The following C3orf80 variants were observed in gnomAD, a reference collection of about 807,000 sequenced individuals.
C3orf80 encodes the protein chromosome 3 open reading frame 80.
C3orf80 carries 10 observed loss-of-function variants against 15.8 expected under a neutral mutation model. The observed-to-expected ratio is 0.63, with a 90% CI of 0.39 to 1.07. The LOEUF is 1.07. Among genes scored for constraint, C3orf80 ranks in the 50% least tolerant of loss-of-function variants. The probability of loss-of-function intolerance (pLI) is 0.01; values close to 1 mark genes in which losing one functional copy is unlikely to be tolerated. For missense variants in C3orf80, 364 were observed against 379.3 expected (o/e 0.96, Z 0.34); for synonymous variants, 183 against 192.0 (o/e 0.95, Z 0.39).
At position 160,225,447 on chromosome 3, in the gene C3orf80, C is replaced by T; in HGVS notation, c.-189C>T. Reference sequence around the variant, plus strand: ...AGTAGCAGCCGCCTCCCGCAGCCTCCGCGCGCCGCGGGCTCCTCCTCCCGC... The same window carrying T: ...AGTAGCAGCCGCCTCCCGCAGCCTCTGCGCGCCGCGGGCTCCTCCTCCCGC... On this transcript the variant is annotated 5_prime_UTR_variant, in exon 1 of 1. Coordinates refer to ENST00000326474, the MANE Select transcript of C3orf80 (RefSeq NM_001168214.2). This position sits in a 1 kb window ranked among gnomAD's most constrained non-coding sequence, Gnocchi z 5.6. The T allele has an allele frequency of 8.6e-6, 4 of 463,984 alleles. No homozygotes were observed. Among genetic ancestry groups the T allele is most frequent in the Non-Finnish European group, 1.4e-5 (4 of 292,798 alleles). 28.7% of individuals were successfully genotyped at this position (463,984 alleles called of 1,614,324 possible). A position where few individuals can be genotyped will look rare whatever the true frequency, so the allele number is the denominator to read the frequency against.
Position 160,226,448 on chromosome 3 carries a change from C to A in C3orf80, c.*69C>A. Reference sequence around the variant, plus strand: ...TGGCAAGCAACGGCCGGGGTGCCGCCGCCAACTGCCTCAGACCTTATCTGG... The same window carrying A: ...TGGCAAGCAACGGCCGGGGTGCCGCAGCCAACTGCCTCAGACCTTATCTGG... On this transcript the variant is annotated 3_prime_UTR_variant, in exon 1 of 1. Coordinates refer to ENST00000326474, the MANE Select transcript of C3orf80 (RefSeq NM_001168214.2). This position sits in a 1 kb window ranked among gnomAD's most constrained non-coding sequence, Gnocchi z 5.2. 1 of 1,373,180 alleles carries A rather than the reference C, an allele frequency of 7.3e-7. No homozygotes were observed. Among genetic ancestry groups the A allele is most frequent in the Non-Finnish European group, 9.4e-7 (1 of 1,066,738 alleles). 85.1% of individuals were successfully genotyped at this position (1,373,180 alleles called of 1,614,324 possible). A position where few individuals can be genotyped will look rare whatever the true frequency, so the allele number is the denominator to read the frequency against.
At position 160,226,432 on chromosome 3, in the gene C3orf80, A is replaced by G. The variant is rs1199700613; in HGVS notation, c.*53A>G. On this transcript the variant is annotated 3_prime_UTR_variant, in exon 1 of 1. Coordinates refer to ENST00000326474, the MANE Select transcript of C3orf80 (RefSeq NM_001168214.2). This position sits in a 1 kb window ranked among gnomAD's most constrained non-coding sequence, Gnocchi z 5.2. The stretch of plus-strand genomic sequence containing the variant: ...GGCTGGGGGCTGCGGGTGGCAAGCA[A>G]CGGCCGGGGTGCCGCCGCCAACTGC... The G allele has an allele frequency of 5.8e-6, 8 of 1,378,578 alleles. No homozygotes were observed. Among genetic ancestry groups the G allele is most frequent in the African/African-American group, 1.5e-5 (1 of 65,208 alleles). 85.4% of individuals were successfully genotyped at this position (1,378,578 alleles called of 1,614,324 possible). A position where few individuals can be genotyped will look rare whatever the true frequency, so the allele number is the denominator to read the frequency against.
At position 160,225,929 on chromosome 3, in the gene C3orf80, G is replaced by A. The variant is rs1382755500; in HGVS notation, c.294G>A (p.Leu98=). The A allele has an allele frequency of 6.8e-7, 1 of 1,462,776 alleles. No homozygotes were observed. Among genetic ancestry groups the A allele is most frequent in the South Asian group, 1.3e-5 (1 of 77,310 alleles). 90.6% of individuals were successfully genotyped at this position (1,462,776 alleles called of 1,614,324 possible). A position where few individuals can be genotyped will look rare whatever the true frequency, so the allele number is the denominator to read the frequency against. ...LLVLFAIGYF[L]QRIICPSPRR... is the part of the protein sequence containing the mutation. ...TGCTCTTCGCCATCGGCTATTTCCT[G>A]CAGCGCATCATCTGCCCCAGTCCAC... Residue 98 remains leucine, a synonymous_variant, in exon 1 of 1, where the codon CTG becomes CTA. Coordinates refer to ENST00000326474, the MANE Select transcript of C3orf80 (RefSeq NM_001168214.2). The surrounding 1 kb of genome is among the most constrained non-coding windows in gnomAD (Gnocchi z 5.6).
rs998409610 is a variant in C3orf80 at position 160,225,781 on chromosome 3, G to A, written c.146G>A (p.Arg49Gln). 5 of 1,455,058 alleles carry A rather than the reference G, an allele frequency of 3.4e-6. No homozygotes were observed. Among genetic ancestry groups the A allele is most frequent in the African/African-American group, 1.5e-5 (1 of 67,926 alleles). The allele number at this position is 1,455,058 out of a possible 1,614,324, so 90.1% of individuals were successfully genotyped here. The change falls in exon 1 of 1, where the codon CGG (arginine) becomes CAG (glutamine). Residue 49 changes from arginine (R) to glutamine (Q), a missense_variant. Arg to Gln is a conservative substitution (Grantham distance 43). Coordinates refer to ENST00000326474, the MANE Select transcript of C3orf80 (RefSeq NM_001168214.2). This position sits in a 1 kb window ranked among gnomAD's most constrained non-coding sequence, Gnocchi z 5.6. ...GGCAELACGERERCCDATNAT... is the reference protein window; with the variant it reads ...GGCAELACGEQERCCDATNAT... ...TGCGCTGAGCTGGCGTGCGGCGAGCGGGAGCGCTGCTGCGACGCGACCAAC... is the reference window on the plus strand; with the variant it reads ...TGCGCTGAGCTGGCGTGCGGCGAGCAGGAGCGCTGCTGCGACGCGACCAAC...
In C3orf80 at chr3:160,226,447, C is replaced by G; in HGVS notation, c.*68C>G. ...GTGGCAAGCAACGGCCGGGGTGCCG[C>G]CGCCAACTGCCTCAGACCTTATCTG... On this transcript the variant is annotated 3_prime_UTR_variant, in exon 1 of 1. Coordinates refer to ENST00000326474, the MANE Select transcript of C3orf80 (RefSeq NM_001168214.2). The surrounding 1 kb of genome is among the most constrained non-coding windows in gnomAD (Gnocchi z 5.2). 7.3e-7 allele frequency: 1 copy of G among 1,374,138 alleles called. No individual in the cohort carries two copies. Among genetic ancestry groups the G allele is most frequent in the Non-Finnish European group, 9.4e-7 (1 of 1,067,372 alleles). The allele number at this position is 1,374,138 out of a possible 1,614,324, so 85.1% of individuals were successfully genotyped here.
In C3orf80 at chr3:160,225,593, C is replaced by G; in HGVS notation, c.-43C>G. Reference sequence around the variant, plus strand: ...GACGGACGCGAGGGCGGACGGACTCCCCAGCCTCCCGTCCCGGACGTTAGC... The same window carrying G: ...GACGGACGCGAGGGCGGACGGACTCGCCAGCCTCCCGTCCCGGACGTTAGC... On this transcript the variant is annotated 5_prime_UTR_variant, in exon 1 of 1. Coordinates refer to ENST00000326474, the MANE Select transcript of C3orf80 (RefSeq NM_001168214.2). This position sits in a 1 kb window ranked among gnomAD's most constrained non-coding sequence, Gnocchi z 5.6. The G allele has an allele frequency of 1.6e-6, 2 of 1,281,430 alleles. No individual in the cohort carries two copies. Among genetic ancestry groups the G allele is most frequent in the Non-Finnish European group, 2.0e-6 (2 of 1,019,098 alleles). 79.4% of individuals were successfully genotyped at this position (1,281,430 alleles called of 1,614,324 possible). A position where few individuals can be genotyped will look rare whatever the true frequency, so the allele number is the denominator to read the frequency against.
chr3:160,225,608 C>G lies in C3orf80; in HGVS notation c.-28C>G. ...GGACGGACTCCCCAGCCTCCCGTCC[C>G]GGACGTTAGCCGAGGTCTGCGCGGG... is the stretch of plus-strand genomic sequence containing the variant. On this transcript the variant is annotated 5_prime_UTR_variant, in exon 1 of 1. Transcript: ENST00000326474. This position sits in a 1 kb window ranked among gnomAD's most constrained non-coding sequence, Gnocchi z 5.6. 7 of 1,302,070 alleles carry G rather than the reference C, an allele frequency of 5.4e-6. No individual in the cohort carries two copies. The highest frequency in any genetic ancestry group is 6.8e-6 in the Non-Finnish European group (7 of 1,031,672). The allele number at this position is 1,302,070 out of a possible 1,614,324, so 80.7% of individuals were successfully genotyped here.
In C3orf80 at chr3:160,227,470, A is replaced by C. The variant is rs902754498; in HGVS notation, c.*1091A>C. On this transcript the variant is annotated 3_prime_UTR_variant, in exon 1 of 1. Coordinates refer to ENST00000326474, the MANE Select transcript of C3orf80 (RefSeq NM_001168214.2). Reference sequence around the variant, plus strand: ...TATGCATTATGTAGTATAGCTTTTAATTGTATCATTCATCACAGTTATATG... The same window carrying C: ...TATGCATTATGTAGTATAGCTTTTACTTGTATCATTCATCACAGTTATATG... 3 of 152,202 alleles carry C rather than the reference A, an allele frequency of 2.0e-5. No homozygotes were observed. The highest frequency in any genetic ancestry group is 4.4e-5 in the Non-Finnish European group (3 of 68,026). 9.4% of individuals were successfully genotyped at this position (152,202 alleles called of 1,614,324 possible).
At position 160,225,603 on chromosome 3, in the gene C3orf80, C is replaced by A; in HGVS notation, c.-33C>A. Reference sequence around the variant, plus strand: ...AGGGCGGACGGACTCCCCAGCCTCCCGTCCCGGACGTTAGCCGAGGTCTGC... The same window carrying A: ...AGGGCGGACGGACTCCCCAGCCTCCAGTCCCGGACGTTAGCCGAGGTCTGC... On this transcript the variant is annotated 5_prime_UTR_variant, in exon 1 of 1. Coordinates refer to ENST00000326474, the MANE Select transcript of C3orf80 (RefSeq NM_001168214.2). The surrounding 1 kb of genome is among the most constrained non-coding windows in gnomAD (Gnocchi z 5.6). The A allele has an allele frequency of 7.7e-7, 1 of 1,291,116 alleles. No individual in the cohort carries two copies. Among genetic ancestry groups the A allele is most frequent in the Non-Finnish European group, 9.8e-7 (1 of 1,024,744 alleles). 80.0% of individuals were successfully genotyped at this position (1,291,116 alleles called of 1,614,324 possible).
Position 160,226,058 on chromosome 3 carries a change from G to C in C3orf80, c.423G>C (p.Ser141=), listed in dbSNP as rs1381242396. The change falls in exon 1 of 1, where the codon TCG becomes TCC. Residue 141 remains serine, a synonymous_variant. Transcript: ENST00000326474. The surrounding 1 kb of genome is among the most constrained non-coding windows in gnomAD (Gnocchi z 5.2). The stretch of plus-strand genomic sequence containing the variant: ...GGCCGCCCGACGACGACGACGACTC[G>C]CCCGCTCTGCTGCGCGACGAGGCGG... ...GAGPPDDDDD[S]PALLRDEAAA... 4.9e-6 allele frequency: 7 copies of C among 1,439,672 alleles called. No homozygotes were observed. Among genetic ancestry groups the C allele is most frequent in the South Asian group, 1.4e-5 (1 of 71,550 alleles). The allele number at this position is 1,439,672 out of a possible 1,614,324, so 89.2% of individuals were successfully genotyped here.
chr3:160,228,025 T>G lies in C3orf80; in HGVS notation c.*1646T>G, dbSNP rs1711523766. On this transcript the variant is annotated 3_prime_UTR_variant, in exon 1 of 1. Coordinates refer to ENST00000326474, the MANE Select transcript of C3orf80 (RefSeq NM_001168214.2). ...CTGACTTGTATTGAAGAAAATTATTTAATTAAATTTTTAAAGGCTGGTTGA... is the reference window on the plus strand; with the variant it reads ...CTGACTTGTATTGAAGAAAATTATTGAATTAAATTTTTAAAGGCTGGTTGA... The G allele has an allele frequency of 6.6e-6, 1 of 152,182 alleles. No homozygotes were observed. The highest frequency in any genetic ancestry group is 1.5e-5 in the Non-Finnish European group (1 of 68,012). 9.4% of individuals were successfully genotyped at this position (152,182 alleles called of 1,614,324 possible). A position where few individuals can be genotyped will look rare whatever the true frequency, so the allele number is the denominator to read the frequency against.
chr3:160,227,459 T>C lies in C3orf80; in HGVS notation c.*1080T>C, dbSNP rs1040783636. On this transcript the variant is annotated 3_prime_UTR_variant, in exon 1 of 1. Coordinates refer to ENST00000326474, the MANE Select transcript of C3orf80 (RefSeq NM_001168214.2). Reference sequence around the variant, plus strand: ...AATAATAACTGTATGCATTATGTAGTATAGCTTTTAATTGTATCATTCATC... The same window carrying C: ...AATAATAACTGTATGCATTATGTAGCATAGCTTTTAATTGTATCATTCATC... 2 of 152,252 alleles carry C rather than the reference T, an allele frequency of 1.3e-5. No individual in the cohort carries two copies. Among genetic ancestry groups the C allele is most frequent in the African/African-American group, 4.8e-5 (2 of 41,480 alleles). The allele number at this position is 152,252 out of a possible 1,614,324, so 9.4% of individuals were successfully genotyped here.
Position 160,226,726 on chromosome 3 carries a change from T to C in C3orf80, c.*347T>C, listed in dbSNP as rs1165385298. The C allele has an allele frequency of 8.4e-6, 2 of 238,356 alleles. No homozygotes were observed. The highest frequency in any genetic ancestry group is 1.6e-4 in the East Asian group (2 of 12,466). The allele number at this position is 238,356 out of a possible 1,614,324, so 14.8% of individuals were successfully genotyped here. A position where few individuals can be genotyped will look rare whatever the true frequency, so the allele number is the denominator to read the frequency against. On this transcript the variant is annotated 3_prime_UTR_variant, in exon 1 of 1. Coordinates refer to ENST00000326474, the MANE Select transcript of C3orf80 (RefSeq NM_001168214.2). The surrounding 1 kb of genome is among the most constrained non-coding windows in gnomAD (Gnocchi z 5.2). ...AGTCAAAGAGAACACGTGAGCCCTT[T>C]GGTGCGTCGAGAGAAGGGCGGTCTT...
Position 160,225,815 on chromosome 3 carries a change from G to T in C3orf80, c.180G>T (p.Ala60=), listed in dbSNP as rs1576692594. The T allele has an allele frequency of 1.4e-6, 2 of 1,478,896 alleles. No homozygotes were observed. The highest frequency in any genetic ancestry group is 1.8e-6 in the Non-Finnish European group (2 of 1,119,932). The allele number at this position is 1,478,896 out of a possible 1,614,324, so 91.6% of individuals were successfully genotyped here. ...GCTGCGACGCGACCAACGCCACGGCGGTGCGCTGCTGCAAGCTGCCGCTGC... is the reference window on the plus strand; with the variant it reads ...GCTGCGACGCGACCAACGCCACGGCTGTGCGCTGCTGCAAGCTGCCGCTGC... ...ERCCDATNAT[A]VRCCKLPLHA... Residue 60 remains alanine, a synonymous_variant, in exon 1 of 1, where the codon GCG becomes GCT. Coordinates refer to ENST00000326474, the MANE Select transcript of C3orf80 (RefSeq NM_001168214.2). The surrounding 1 kb of genome is among the most constrained non-coding windows in gnomAD (Gnocchi z 5.6).
At position 160,225,849 on chromosome 3, in the gene C3orf80, C is replaced by T; in HGVS notation, c.214C>T (p.Leu72=). ...CTGCAAGCTGCCGCTGCACGCCTTC[C>T]TGGACAACGTGGGCTGGTTCGTCCG... The part of the protein sequence containing the change: ...RCCKLPLHAF[L]DNVGWFVRKL... Residue 72 remains leucine (L), a synonymous_variant, in exon 1 of 1, where the codon CTG becomes TTG. Coordinates refer to ENST00000326474, the MANE Select transcript of C3orf80 (RefSeq NM_001168214.2). This position sits in a 1 kb window ranked among gnomAD's most constrained non-coding sequence, Gnocchi z 5.6. 60 of 1,486,538 alleles carry T rather than the reference C, an allele frequency of 4.0e-5. No homozygotes were observed. Among genetic ancestry groups the T allele is most frequent in the Non-Finnish European group, 5.3e-5 (59 of 1,123,184 alleles). 92.1% of individuals were successfully genotyped at this position (1,486,538 alleles called of 1,614,324 possible). A position where few individuals can be genotyped will look rare whatever the true frequency, so the allele number is the denominator to read the frequency against.
Position 160,226,490 on chromosome 3 carries a change from C to A in C3orf80, c.*111C>A. ...CTTATCTGGCACCCTGGCCTAACTG[C>A]CCGGCACCCCGCGACTGGGTTGGGG... On this transcript the variant is annotated 3_prime_UTR_variant, in exon 1 of 1. Coordinates refer to ENST00000326474, the MANE Select transcript of C3orf80 (RefSeq NM_001168214.2). The surrounding 1 kb of genome is among the most constrained non-coding windows in gnomAD (Gnocchi z 5.2). 8.6e-7 allele frequency: 1 copy of A among 1,161,794 alleles called. No individual in the cohort carries two copies. Among genetic ancestry groups the A allele is most frequent in the Non-Finnish European group, 1.1e-6 (1 of 885,728 alleles). 72.0% of individuals were successfully genotyped at this position (1,161,794 alleles called of 1,614,324 possible).
Position 160,227,357 on chromosome 3 carries a change from G to A in C3orf80, c.*978G>A, listed in dbSNP as rs1045561424. On this transcript the variant is annotated 3_prime_UTR_variant, in exon 1 of 1. Coordinates refer to ENST00000326474, the MANE Select transcript of C3orf80 (RefSeq NM_001168214.2). ...GAAGCATATGTGACATAAAAAACAT[G>A]AAGGATATCTTATTTTCACTATTTG... The A allele has an allele frequency of 7.9e-5, 12 of 152,114 alleles. No homozygotes were observed. The highest frequency in any genetic ancestry group is 1.6e-4 in the Non-Finnish European group (11 of 68,008). The allele number at this position is 152,114 out of a possible 1,614,324, so 9.4% of individuals were successfully genotyped here.
Position 160,226,250 on chromosome 3 carries a change from CG to C in C3orf80, c.616del (p.Glu206ArgfsTer144). On this transcript the variant is annotated frameshift_variant, in exon 1 of 1. Transcript: ENST00000326474. LOFTEE classifies it high-confidence loss of function. This position sits in a 1 kb window ranked among gnomAD's most constrained non-coding sequence, Gnocchi z 5.2. ...AGGAGGTCAAGTATCTGCCCACCTA[CG>C]AGGAGTCCATGCGGCTGCAGCAGCT... is the stretch of plus-strand genomic sequence containing the variant. ...YEEVKYLPTYEESMRLQQLSP... is the reference protein window; with the variant it reads ...YEEVKYLPTYXESMRLQQLSP... 2 of 1,526,598 alleles carry C rather than the reference CG, an allele frequency of 1.3e-6. No homozygotes were observed. The highest frequency in any genetic ancestry group is 1.8e-6 in the Non-Finnish European group (2 of 1,142,666). The allele number at this position is 1,526,598 out of a possible 1,614,324, so 94.6% of individuals were successfully genotyped here. A position where few individuals can be genotyped will look rare whatever the true frequency, so the allele number is the denominator to read the frequency against.
Position 160,227,799 on chromosome 3 carries a change from T to C in C3orf80, c.*1420T>C, listed in dbSNP as rs1328371551. On this transcript the variant is annotated 3_prime_UTR_variant, in exon 1 of 1. Coordinates refer to ENST00000326474, the MANE Select transcript of C3orf80 (RefSeq NM_001168214.2). The stretch of plus-strand genomic sequence containing the variant: ...ACATATGCATATTGTCTATGTACTA[T>C]ATACACATTGTTTATAATATTGTTA... 1 of 152,244 alleles carries C rather than the reference T, an allele frequency of 6.6e-6. No individual in the cohort carries two copies. Among genetic ancestry groups the C allele is most frequent in the East Asian group, 1.9e-4 (1 of 5,204 alleles). 9.4% of individuals were successfully genotyped at this position (152,244 alleles called of 1,614,324 possible). A position where few individuals can be genotyped will look rare whatever the true frequency, so the allele number is the denominator to read the frequency against.
Sources: gnomAD v4.1 joint callset for allele counts on GRCh38, gnomAD v4.1.1 for gene constraint, Gnocchi (gnomAD v3.1) non-coding constraint, MANE v1.5 for transcripts, NCBI Gene and HGNC (gene_info 2026-07-23, HGNC 2026-07-21) for gene names.